The following HM13 variants were observed in gnomAD, a reference collection of about 807,000 sequenced individuals.
HM13 encodes histocompatibility minor 13.
In HM13, 18 loss-of-function variants were observed where a neutral mutation model predicts 50.0. That is an observed-to-expected ratio of 0.36 (90% confidence interval 0.25 to 0.53). The LOEUF (loss-of-function observed/expected upper bound fraction) is 0.53, where lower values mean the gene tolerates loss of function less well. Among genes scored for constraint, HM13 ranks in the 20% least tolerant of loss-of-function variants. The pLI is 0.90. For synonymous variants in HM13, 197 were observed against 232.6 expected (o/e 0.85, Z 1.39); for missense variants, 393 against 552.4 (o/e 0.71, Z 2.89).
intron 1 of HM13, among the ~76,000 whole-genome samples, chr20:31,519,599 T>A (rs565372908): frequency 1.2e-3 from 188 of 152,284 alleles, no homozygotes; most frequent in African/African-American, 4.2e-3. Flanking sequence ...TTGTTAGAAA[T>A]GCACATTCTG....
At chr20:31,519,183 G>A (rs1387597830) in intron 1 of HM13, among the ~76,000 whole-genome samples, 1 of 152,054 alleles carries the variant, frequency 6.6e-6, no homozygotes, top group African/African-American at 2.4e-5. Flanking sequence ...CTCACTGCAC[G>A]CTCCATCTCT....
At chr20:31,567,284 C>G (rs1398077861) in intron 11 of HM13, among the ~76,000 whole-genome samples, 1 of 152,202 alleles carries the variant, frequency 6.6e-6, no homozygotes, top group Non-Finnish European at 1.5e-5. Context: ...CTTCACCCTC[C>G]CTCTGCTTCC....
chr20:31,566,194 C>T lies in HM13; in HGVS notation c.949-16C>T, dbSNP rs1984898461. The T allele has an allele frequency of 6.2e-7, 1 of 1,610,212 alleles. No individual in the cohort carries two copies. Among genetic ancestry groups the T allele is most frequent in the East Asian group, 2.2e-5 (1 of 44,812 alleles). Reference sequence around the variant, plus strand: ...CCGTGCCCAGCATGGCTTCACCAGCCTGTGTCCTCTCATAGCCTGCCCTCC... The same window carrying T: ...CCGTGCCCAGCATGGCTTCACCAGCTTGTGTCCTCTCATAGCCTGCCCTCC... On this transcript the variant is annotated splice_polypyrimidine_tract_variant and intron_variant, in intron 10 of 12. Coordinates refer to ENST00000398174, the MANE Select transcript of HM13 (RefSeq NM_178581.3).
intron 7 of HM13, among the ~76,000 whole-genome samples, chr20:31,554,096 T>C (rs1224006083): frequency 6.6e-6 from 1 of 152,174 alleles, no homozygotes; most frequent in Non-Finnish European, 1.5e-5. Context: ...TCTAACCAGC[T>C]GTGACTCCAG....
chr20:31,529,665 C>T (rs570795775), intron 2 of HM13, among the ~76,000 whole-genome samples: 21 of 152,246 alleles, frequency 1.4e-4, no homozygotes, highest in African/African-American at 4.8e-4. Context: ...CCTGTGATCC[C>T]AGCACTTTGG....
In HM13 at chr20:31,549,026, C is replaced by T; in HGVS notation, c.455-3C>T. 6.2e-7 allele frequency: 1 copy of T among 1,614,094 alleles called. No homozygotes were observed. The highest frequency in any genetic ancestry group is 8.5e-7 in the Non-Finnish European group (1 of 1,179,954). On this transcript the variant is annotated splice_polypyrimidine_tract_variant and splice_region_variant and intron_variant, in intron 4 of 12. Transcript: ENST00000398174. ...AGTGGACTTACCTGGCCTCTCTGCT[C>T]AGAGATCATCAATTATGAATTTGAC...
chr20:31,530,790 T>C (rs542511929), intron 2 of HM13, among the ~76,000 whole-genome samples: 2 of 152,254 alleles, frequency 1.3e-5, no homozygotes, highest in South Asian at 4.2e-4. Context: ...AGTGTTGGGG[T>C]ATCATAGCAG....
chr20:31,568,307 C>T, intron 12 of HM13, 83 bp downstream of exon 12: 3 of 1,539,776 alleles, frequency 1.9e-6, no homozygotes, highest in Non-Finnish European at 2.6e-6. Flanking sequence ...AGCTCCAGTG[C>T]ATAGGGCAGG....
chr20:31,562,511 C>G (rs144918722), intron 10 of HM13: 3 of 152,408 alleles, frequency 2.0e-5, no homozygotes, highest in Admixed American at 2.0e-4. Context: ...CTCTCAAGCC[C>G]TGGCCATGGG....
intron 2 of HM13, among the ~76,000 whole-genome samples, chr20:31,534,920 T>C (rs1281861742): frequency 2.6e-5 from 4 of 151,876 alleles, no homozygotes; most frequent in African/African-American, 9.7e-5. Flanking sequence ...CCGTCTCTAC[T>C]AAACAAAATA....
chr20:31,565,045 A>G (rs1417898538), intron 10 of HM13, among the ~76,000 whole-genome samples: 1 of 151,634 alleles, frequency 6.6e-6, no homozygotes, highest in African/African-American at 2.4e-5. Context: ...AGGCACCTGT[A>G]GTCCCAGCTA....
intron 8 of HM13, 114 bp from the exon 9 acceptor site, chr20:31,559,497 C>A: frequency 2.0e-6 from 2 of 1,017,436 alleles, no homozygotes; most frequent in South Asian, 1.3e-5. Context: ...CACCCTTGGT[C>A]TCCAATGATT....
At chr20:31,544,852 C>A in intron 3 of HM13, 95 bp from the exon 4 acceptor site, 1 of 932,162 alleles carries the variant, frequency 1.1e-6, no homozygotes, top group Admixed American at 1.7e-5. Context: ...ATCAGGACAG[C>A]TGTAAGGGTG....
At chr20:31,545,116 T>A in intron 4 of HM13, 81 bp downstream of exon 4, 9 of 1,077,154 alleles carry the variant, frequency 8.4e-6, no homozygotes, top group Non-Finnish European at 1.3e-5. Context: ...ATATTGGGGT[T>A]CTCCAATAGA....
Position 31,569,209 on chromosome 20 carries a change from AAG to A in HM13, c.1275_1276del (p.Lys426MetfsTer98). On this transcript the variant is annotated frameshift_variant, in exon 13 of 13. Transcript: ENST00000398174. LOFTEE classifies it high-confidence loss of function. ...TCAGCATCGAAGGGGCTGGAGAAGA[AAG>A]AGAAATGATGCAGCTGGTGCCCGAG... The A allele has an allele frequency of 1.3e-6, 2 of 1,591,110 alleles. No individual in the cohort carries two copies. The highest frequency in any genetic ancestry group is 1.7e-6 in the Non-Finnish European group (2 of 1,167,270).
chr20:31,515,749 A>G (rs1981736241), intron 1 of HM13, among the ~76,000 whole-genome samples: 4 of 151,666 alleles, frequency 2.6e-5, no homozygotes, highest in South Asian at 2.1e-4. Flanking sequence ...CTTCTTCCCT[A>G]TATTAAGCCC....
At chr20:31,552,537 A>T (rs570961631) in intron 7 of HM13, among the ~76,000 whole-genome samples, 5 of 152,248 alleles carry the variant, frequency 3.3e-5, no homozygotes, top group Non-Finnish European at 4.4e-5. Context: ...TAGGGAGAAG[A>T]CCCACTGCCT....
intron 4 of HM13, 163 bp from the exon 5 acceptor site, chr20:31,548,866 C>A (rs1397098341): frequency 2.9e-6 from 2 of 692,994 alleles, no homozygotes; most frequent in African/African-American, 3.5e-5. Flanking sequence ...AGTGAGCTCT[C>A]CCCTTCTGAA....
rs1245008181 is a variant in HM13, at chr20:31,568,984, C to T, written c.1182-136C>T. ...GGGCCAGGCGCTGTTAGGTGCTGGG[C>T]AGTGGACACAGGGCTGACGCTCTGC... On this transcript the variant is annotated intron_variant, in intron 12 of 12. Coordinates refer to ENST00000398174, the MANE Select transcript of HM13 (RefSeq NM_178581.3). 6 of 617,648 alleles carry T rather than the reference C, an allele frequency of 9.7e-6. No individual in the cohort carries two copies. The African/African-American group carries it at 1.1e-4, about 12-fold the overall frequency. The allele number at this position is 617,648 out of a possible 1,614,324, so 38.3% of individuals were successfully genotyped here.
Sources: gnomAD v4.1 joint callset for allele counts (sites outside exome capture counted in the v4.1 genomes callset) on GRCh38, gnomAD v4.1.1 for gene constraint, MANE v1.5 for transcripts, NCBI Gene and HGNC (gene_info 2026-07-23, HGNC 2026-07-21) for gene names.